The following PCMT1 variants were observed in gnomAD, a reference collection of about 807,000 sequenced individuals.
PCMT1 encodes the protein protein-L-isoaspartate (D-aspartate) O-methyltransferase.
In PCMT1, 9 loss-of-function variants were observed where a neutral mutation model predicts 29.2. The ratio of observed to expected loss-of-function variants is 0.31; its 90% CI spans 0.19 to 0.54. PCMT1 has a LOEUF of 0.54. Ranked by LOEUF, PCMT1 falls within the 20% of genes least tolerant of loss-of-function variation. PCMT1 has a pLI of 0.95. For synonymous variants in PCMT1, 98 were observed against 97.5 expected (o/e 1.00, Z -0.03); for missense variants, 184 against 282.2 (o/e 0.65, Z 2.49).
chr6:149,792,943 A>G lies in PCMT1; in HGVS notation c.298-606A>G, dbSNP rs555163750. Among the ~76,000 whole-genome samples the G allele has an allele frequency of 1.1e-4, 16 of 152,220 alleles. No individual in the cohort carries two copies. In the East Asian group the frequency reaches 3.1e-3, roughly 29 times the overall value. ...TCTGGGAGGCCAAGGCGGGCAGATC[A>G]CGAGGTCAGGAATTTGAGACCAGCC... On this transcript the variant is annotated intron_variant, in intron 4 of 7. Transcript: ENST00000464889.
chr6:149,784,273 C>T (rs943388881), intron 3 of PCMT1, among the ~76,000 whole-genome samples: 1 of 152,162 alleles, frequency 6.6e-6, no homozygotes, highest in Non-Finnish European at 1.5e-5. Flanking sequence ...GAAAAGATAG[C>T]TTTAACTTTT....
chr6:149,809,309 G>C (rs954455618), intron 7 of PCMT1, among the ~76,000 whole-genome samples: 2 of 140,654 alleles, frequency 1.4e-5, no homozygotes, highest in African/African-American at 5.3e-5. Flanking sequence ...AATATCTTCA[G>C]TTCATATTCT....
rs554677610 is a variant in PCMT1 at position 149,805,412 on chromosome 6, C to T, written c.*37+2996C>T. Among the ~76,000 whole-genome samples, 670 of 142,384 alleles carry T rather than the reference C, an allele frequency of 4.7e-3. 4 individuals are homozygous for T. The highest frequency in any genetic ancestry group is 0.02 in the East Asian group (93 of 4,652). 93.4% of individuals were successfully genotyped at this position (142,384 alleles called of 152,430 possible). A position where few individuals can be genotyped will look rare whatever the true frequency, so the allele number is the denominator to read the frequency against. ...ATCGAGACCATCCTGGGTAACATGG[C>T]GAAACCCCGTCTCTCCTAAAAATAC... is the stretch of plus-strand genomic sequence containing the variant. On this transcript the variant is annotated intron_variant, in intron 7 of 7. Coordinates refer to ENST00000464889, the MANE Select transcript of PCMT1 (RefSeq NM_001360452.2).
In PCMT1 at chr6:149,757,992, C is replaced by T. The variant is rs546677434; in HGVS notation, c.55+8036C>T. On this transcript the variant is annotated intron_variant, in intron 1 of 7. Coordinates refer to ENST00000464889, the MANE Select transcript of PCMT1 (RefSeq NM_001360452.2). ...CTGCCTCTCCGGTTTAAGTGATTCT[C>T]GTGTCTTAGCCTCCCGAGTAGCTGG... 6.4e-4 allele frequency among the ~76,000 whole-genome samples: 97 copies of T among 152,132 alleles called. 1 individual carries two copies. The East Asian group carries it at 0.016, about 25-fold the overall frequency.
intron 1 of PCMT1, among the ~76,000 whole-genome samples, chr6:149,767,448 C>T (rs1787136722): frequency 6.6e-6 from 1 of 151,034 alleles, no homozygotes; most frequent in African/African-American, 2.4e-5. Context: ...GAATCTTGCT[C>T]TTAATTTTTA....
At chr6:149,801,207 G>T (rs1775817331) in intron 6 of PCMT1, among the ~76,000 whole-genome samples, 1 of 152,168 alleles carries the variant, frequency 6.6e-6, no homozygotes, top group Non-Finnish European at 1.5e-5. Context: ...ATGGGACCAA[G>T]TCTAAACATA....
At chr6:149,791,633 A>G (rs1442110730) in intron 4 of PCMT1, among the ~76,000 whole-genome samples, 1 of 152,180 alleles carries the variant, frequency 6.6e-6, no homozygotes, top group Non-Finnish European at 1.5e-5. Context: ...GCTCTTTTTT[A>G]TCATGATGGT....
chr6:149,771,216 G>A lies in PCMT1; in HGVS notation c.110G>A (p.Arg37His). 1 of 1,612,416 alleles carries A rather than the reference G, an allele frequency of 6.2e-7. No homozygotes were observed. Among genetic ancestry groups the A allele is most frequent in the Non-Finnish European group, 8.5e-7 (1 of 1,178,712 alleles). Residue 37 changes from arginine to histidine, a missense_variant, in exon 2 of 8, where the codon CGC (arginine) becomes CAC (histidine). Coordinates refer to ENST00000464889, the MANE Select transcript of PCMT1 (RefSeq NM_001360452.2). ...KVFEVMLATD[R>H]SHYAKCNPYM... ...TTTGAAGTGATGCTGGCTACAGACC[G>A]CTCCCACTATGCAAAATGTAACCCA...
rs759846939 is a variant in PCMT1 at position 149,749,758 on chromosome 6, G to A, written c.-144G>A. ...GGGAGCGCGCAGTGGCGGCAGCGGC[G>A]GCGACGGCAGTAACAGCGGCAGCTA... On this transcript the variant is annotated 5_prime_UTR_variant, in exon 1 of 8. Transcript: ENST00000464889. 6.4e-5 allele frequency: 99 copies of A among 1,546,906 alleles called. No individual in the cohort carries two copies. The East Asian group carries it at 8.3e-4, about 13-fold the overall frequency.
chr6:149,773,459 A>G (rs1048259868), intron 3 of PCMT1, among the ~76,000 whole-genome samples: 1 of 151,912 alleles, frequency 6.6e-6, no homozygotes, highest in African/African-American at 2.4e-5. Context: ...GCTCACTGCA[A>G]CCTCCCACTT....
At chr6:149,785,410 T>A (rs1431762724) in intron 3 of PCMT1, among the ~76,000 whole-genome samples, 65 of 150,530 alleles carry the variant, frequency 4.3e-4, no homozygotes, top group Non-Finnish European at 7.7e-4. Context: ...TCTTTTTTTT[T>A]ATTTTTATTT....
chr6:149,786,162 G>T (rs1460132983), intron 3 of PCMT1, among the ~76,000 whole-genome samples: 2 of 86,546 alleles, frequency 2.3e-5, no homozygotes, highest in Non-Finnish European at 3.8e-5. Context: ...CGGGCGGGGG[G>T]CTGACCCCCC....
chr6:149,793,410 G>A (rs1324453554), intron 4 of PCMT1, 139 bp from the exon 5 acceptor site: 10 of 541,308 alleles, frequency 1.8e-5, no homozygotes, highest in Non-Finnish European at 2.6e-5. Flanking sequence ...TAAACTGAGT[G>A]TTTAGCAATC....
intron 6 of PCMT1, among the ~76,000 whole-genome samples, chr6:149,801,458 T>G (rs1424181227): frequency 6.6e-6 from 1 of 152,106 alleles, no homozygotes; most frequent in Non-Finnish European, 1.5e-5. Context: ...TACTATGTAT[T>G]TATTTTTAAG....
At chr6:149,792,947 G>T (rs1788433196) in intron 4 of PCMT1, among the ~76,000 whole-genome samples, 1 of 152,116 alleles carries the variant, frequency 6.6e-6, no homozygotes, top group Non-Finnish European at 1.5e-5. Context: ...CAGATCACGA[G>T]GTCAGGAATT....
In PCMT1 at chr6:149,767,157, A is replaced by G. The variant is rs560495171; in HGVS notation, c.56-4005A>G. Among the ~76,000 whole-genome samples the G allele has an allele frequency of 7.9e-5, 12 of 152,242 alleles. 1 individual carries two copies. The South Asian group carries it at 2.5e-3, about 32-fold the overall frequency. ...CCAGGAGGCAGGTTGCAGTGAGCCG[A>G]GATCACGCCACTGCACTCCAGCCTG... is the stretch of plus-strand genomic sequence containing the variant. On this transcript the variant is annotated intron_variant, in intron 1 of 7. Transcript: ENST00000464889.
At chr6:149,808,803 A>C (rs1190413101) in intron 7 of PCMT1, among the ~76,000 whole-genome samples, 1 of 151,744 alleles carries the variant, frequency 6.6e-6, no homozygotes, top group Non-Finnish European at 1.5e-5. Flanking sequence ...CACCCGGCTA[A>C]TTATTTGTAT....
intron 6 of PCMT1, among the ~76,000 whole-genome samples, chr6:149,799,634 T>C (rs919939888): frequency 2.0e-5 from 3 of 152,180 alleles, no homozygotes; most frequent in Non-Finnish European, 4.4e-5. Context: ...GCCATTTTTG[T>C]CATCCAAAAA....
chr6:149,809,116 G>A (rs138168139), intron 7 of PCMT1, among the ~76,000 whole-genome samples: 152 of 149,980 alleles, frequency 1.0e-3, no homozygotes, highest in African/African-American at 3.3e-3. Context: ...AAATTTAGCC[G>A]GGTATGGTGG....
Sources: gnomAD v4.1 joint callset for allele counts (sites outside exome capture counted in the v4.1 genomes callset) on GRCh38, gnomAD v4.1.1 for gene constraint, MANE v1.5 for transcripts, NCBI Gene and HGNC (gene_info 2026-07-23, HGNC 2026-07-21) for gene names.